Variants in HSD17B14 observed in about 807,000 individuals in gnomAD.
HSD17B14 encodes hydroxysteroid 17-beta dehydrogenase 14.
Under a neutral mutation model 32.2 loss-of-function variants are expected in HSD17B14, and 32 were observed. The observed-to-expected ratio is 0.99, with a 90% CI of 0.75 to 1.33. The LOEUF is 1.33. HSD17B14 is among the 40% of genes most tolerant of loss of function. HSD17B14 has a pLI of 0.00. For missense variants in HSD17B14, 370 were observed against 366.5 expected, an observed-to-expected ratio of 1.01 and a Z score of -0.08; for synonymous variants, 140 against 155.4, an observed-to-expected ratio of 0.90 and a Z score of 0.74.
Position 48,834,458 on chromosome 19 carries a change from C to T in HSD17B14, c.128-100G>A, listed in dbSNP as rs76203007. ...GTCTGAGGGAGGAGGTGCTGGGGGC[C>T]TGGACTCCTGGGTCTGAGGGAGGAG... is the stretch of plus-strand genomic sequence containing the variant. On this transcript the variant is annotated intron_variant, in intron 2 of 8. Transcript: ENST00000263278. 2.4e-3 allele frequency: 1,352 copies of T among 562,322 alleles called. 17 individuals carry two copies. Among genetic ancestry groups the T allele is most frequent in the Admixed American group, 7.0e-3 (151 of 21,558 alleles). 34.8% of individuals were successfully genotyped at this position (562,322 alleles called of 1,614,324 possible). A position where few individuals can be genotyped will look rare whatever the true frequency, so the allele number is the denominator to read the frequency against.
At chr19:48,815,386 G>C (rs553620370) in intron 5 of HSD17B14, among the ~76,000 whole-genome samples, 1 of 152,008 alleles carries the variant, frequency 6.6e-6, no homozygotes, top group African/African-American at 2.4e-5. Context: ...TCTTCTCCTC[G>C]GTCTCTGACT....
At chr19:48,824,907 T>C (rs1392977600) in intron 5 of HSD17B14, among the ~76,000 whole-genome samples, 17 of 152,126 alleles carry the variant, frequency 1.1e-4, no homozygotes, top group Non-Finnish European at 2.1e-4. Flanking sequence ...AGCATTCTAA[T>C]ACACTGGTGG....
rs760425770 is a variant in HSD17B14 at position 48,813,572 on chromosome 19, G to A, written c.543-20C>T. The A allele has an allele frequency of 1.9e-6, 3 of 1,613,062 alleles. No individual in the cohort carries two copies. The Admixed American group carries it at 5.0e-5, about 27-fold the overall frequency. On this transcript the variant is annotated intron_variant, in intron 7 of 8. Transcript: ENST00000263278. ...GAGATACTAGAGGAAGGGAGAGGGGGGATCAAAGCAATCTGTCTCGAACCA... is the reference window on the plus strand; with the variant it reads ...GAGATACTAGAGGAAGGGAGAGGGGAGATCAAAGCAATCTGTCTCGAACCA...
intron 5 of HSD17B14, among the ~76,000 whole-genome samples, chr19:48,829,056 G>A (rs1221950094): frequency 2.6e-5 from 4 of 151,890 alleles, no homozygotes; most frequent in Non-Finnish European, 4.4e-5. Context: ...GTAAGACTCT[G>A]TCTCAAAAAA....
intron 4 of HSD17B14, among the ~76,000 whole-genome samples, chr19:48,832,353 T>C (rs1346338423): frequency 6.6e-6 from 1 of 150,650 alleles, no homozygotes; most frequent in Non-Finnish European, 1.5e-5. Flanking sequence ...CACTCCAGCC[T>C]GGACGACAGA....
intron 3 of HSD17B14, 26 bp from the exon 4 acceptor site, chr19:48,832,758 T>G (rs2035365910): frequency 1.2e-6 from 1 of 827,252 alleles, no homozygotes; most frequent in Non-Finnish European, 1.7e-6. Flanking sequence ...ATGTCCTTTG[T>G]TTTTTTTTTT....
chr19:48,832,750 G>T lies in HSD17B14; in HGVS notation c.211-18C>A. On this transcript the variant is annotated intron_variant, in intron 3 of 8. Coordinates refer to ENST00000263278, the MANE Select transcript of HSD17B14 (RefSeq NM_016246.3). ...ACCAGGGTCTGAGGAGAAAGGAAAT[G>T]TCCTTTGTTTTTTTTTTTTGGAGAC... is the stretch of plus-strand genomic sequence containing the variant. The T allele has an allele frequency of 1.3e-6, 2 of 1,594,416 alleles. No homozygotes were observed. Among genetic ancestry groups the T allele is most frequent in the South Asian group, 1.1e-5 (1 of 89,182 alleles).
chr19:48,831,553 C>CAACA (rs538006222), intron 5 of HSD17B14, 115 bp downstream of exon 5: 10 of 790,052 alleles, frequency 1.3e-5, no homozygotes, highest in Non-Finnish European at 2.2e-5. Flanking sequence ...ACCCTGTCTC[C>CAACA]AACAAACAAA....
chr19:48,823,342 C>T lies in HSD17B14; in HGVS notation c.370-8201G>A, dbSNP rs549098460. Reference sequence around the variant, plus strand: ...GGAGGATCACTTGAGCCTAGGAAGTCGGGACTGCAGTGAGCCATGATCATT... The same window carrying T: ...GGAGGATCACTTGAGCCTAGGAAGTTGGGACTGCAGTGAGCCATGATCATT... On this transcript the variant is annotated intron_variant, in intron 5 of 8. Transcript: ENST00000263278. Among the ~76,000 whole-genome samples, 28 of 152,012 alleles carry T rather than the reference C, an allele frequency of 1.8e-4. 2 individuals are homozygous for T. Among genetic ancestry groups the T allele is most frequent in the Admixed American group, 1.6e-3 (24 of 15,250 alleles).
chr19:48,821,890 G>A (rs1297918901), intron 5 of HSD17B14, among the ~76,000 whole-genome samples: 2 of 151,814 alleles, frequency 1.3e-5, no homozygotes, highest in Non-Finnish European at 2.9e-5. Context: ...TGGTGATTTT[G>A]GTAATGATGA....
chr19:48,829,393 C>G (rs1369955330), intron 5 of HSD17B14, among the ~76,000 whole-genome samples: 1 of 151,896 alleles, frequency 6.6e-6, no homozygotes, highest in Non-Finnish European at 1.5e-5. Flanking sequence ...ACTCTGTCAC[C>G]CAGGCTGGAG....
At chr19:48,824,651 A>G (rs1321104726) in intron 5 of HSD17B14, among the ~76,000 whole-genome samples, 2 of 151,814 alleles carry the variant, frequency 1.3e-5, no homozygotes, top group African/African-American at 4.8e-5. Flanking sequence ...CTGTAATCCC[A>G]GCTACTCGGG....
At chr19:48,820,884 A>T (rs1334454337) in intron 5 of HSD17B14, among the ~76,000 whole-genome samples, 1 of 152,030 alleles carries the variant, frequency 6.6e-6, no homozygotes, top group Admixed American at 6.6e-5. Flanking sequence ...AAAATAAATA[A>T]GTAGAGACAG....
rs537972524 is a variant in HSD17B14, at chr19:48,833,863, A to G, written c.210+413T>C. ...AAATTAGCCGGGCATGGTGGCGCAC[A>G]CCTGTAATCCCAGCTACTCGGGAGG... On this transcript the variant is annotated intron_variant, in intron 3 of 8. Coordinates refer to ENST00000263278, the MANE Select transcript of HSD17B14 (RefSeq NM_016246.3). Among the ~76,000 whole-genome samples, 33 of 139,646 alleles carry G rather than the reference A, an allele frequency of 2.4e-4. No individual in the cohort carries two copies. In the East Asian group the frequency reaches 5.7e-3, roughly 24 times the overall value. The allele number at this position is 139,646 out of a possible 152,430, so 91.6% of individuals were successfully genotyped here.
At chr19:48,816,230 C>T (rs686059) in intron 5 of HSD17B14, among the ~76,000 whole-genome samples, 113,303 of 151,738 alleles carry the variant, frequency 0.75, 42,547 homozygotes, top group African/African-American at 0.81. Flanking sequence ...CAAGGCCTGT[C>T]CCTGCCACTT....
Position 48,835,828 on chromosome 19 carries a change from C to T in HSD17B14, c.104G>A (p.Arg35Gln). ...IVRAFVNSGARVVICDKDESG... is the reference protein window; with the variant it reads ...IVRAFVNSGAQVVICDKDESG... ...ACCATCCTTGTCGCAGATAACCACT[C>T]GGGCCCCGCTGTTCACTGAGAATAG... The change falls in exon 2 of 9, where the codon CGA becomes CAA. Residue 35 changes from arginine (R) to glutamine (Q), a missense_variant. Arg to Gln is a conservative substitution (Grantham distance 43). Coordinates refer to ENST00000263278, the MANE Select transcript of HSD17B14 (RefSeq NM_016246.3). The T allele has an allele frequency of 1.2e-6, 2 of 1,613,592 alleles. No homozygotes were observed. The highest frequency in any genetic ancestry group is 2.2e-5 in the East Asian group (1 of 44,874).
chr19:48,832,888 G>A, intron 3 of HSD17B14, 156 bp from the exon 4 acceptor site: 1 of 647,638 alleles, frequency 1.5e-6, no homozygotes. Flanking sequence ...CAAGTAGCTG[G>A]GATTACAGGC....
chr19:48,816,811 C>CTTTCTT, intron 5 of HSD17B14, among the ~76,000 whole-genome samples: 1 of 86,094 alleles, frequency 1.2e-5, no homozygotes, highest in Non-Finnish European at 2.4e-5. Flanking sequence ...TTCTTTCTTT[C>CTTTCTT]TTTCTTTCTT....
intron 5 of HSD17B14, among the ~76,000 whole-genome samples, chr19:48,817,774 T>C (rs903944927): frequency 7.2e-5 from 11 of 152,242 alleles, no homozygotes; most frequent in Non-Finnish European, 1.5e-4. Flanking sequence ...GGACCTGGTA[T>C]GTGTCCAGCC....
Sources: allele counts gnomAD v4.1 joint callset (sites outside exome capture counted in the v4.1 genomes callset), GRCh38; gene constraint gnomAD v4.1.1; transcripts MANE v1.5; gene names NCBI Gene and HGNC (gene_info 2026-07-23, HGNC 2026-07-21).